The following KCNJ1 variants were observed in gnomAD, a reference collection of about 807,000 sequenced individuals.
The protein encoded by KCNJ1 is ATP-sensitive inward rectifier potassium channel 1.
In KCNJ1, 24 loss-of-function variants were observed where a neutral mutation model predicts 21.9. The observed-to-expected ratio is 1.10, with a 90% CI of 0.79 to 1.54. The LOEUF (loss-of-function observed/expected upper bound fraction) is 1.54, where lower values mean the gene tolerates loss of function less well. Among genes scored for constraint, KCNJ1 ranks in the 40% most tolerant of loss-of-function variants. The pLI is 0.00. For missense variants in KCNJ1, 457 were observed against 455.4 expected, an observed-to-expected ratio of 1.00 and a Z score of -0.03; for synonymous variants, 152 against 160.9, an observed-to-expected ratio of 0.94 and a Z score of 0.42.
chr11:128,860,094 G>C (rs1425008619), intron 1 of KCNJ1, among the ~76,000 whole-genome samples: 1 of 148,030 alleles, frequency 6.8e-6, no homozygotes, highest in East Asian at 2.1e-4. Flanking sequence ...GCGCCCGGAA[G>C]GACACCTGTC....
chr11:128,857,211 C>A (rs1943606196), intron 1 of KCNJ1, among the ~76,000 whole-genome samples: 1 of 152,190 alleles, frequency 6.6e-6, no homozygotes, highest in African/African-American at 2.4e-5. Flanking sequence ...TCGCTAGGGA[C>A]CTAGCTCCAT....
chr11:128,865,530 C>T (rs1265204849), intron 1 of KCNJ1, among the ~76,000 whole-genome samples: 1 of 152,120 alleles, frequency 6.6e-6, no homozygotes, highest in Non-Finnish European at 1.5e-5. Flanking sequence ...AGAAGAAAGA[C>T]AATAGTCATC....
chr11:128,865,858 T>A (rs1222110694), intron 1 of KCNJ1, among the ~76,000 whole-genome samples: 1 of 152,060 alleles, frequency 6.6e-6, no homozygotes, highest in Non-Finnish European at 1.5e-5. Flanking sequence ...AAACTTCTTA[T>A]ATTAAAAAAA....
At chr11:128,866,862 C>T (rs1182634007) in intron 1 of KCNJ1, among the ~76,000 whole-genome samples, 1 of 152,128 alleles carries the variant, frequency 6.6e-6, no homozygotes, top group Non-Finnish European at 1.5e-5. Context: ...GATGAAAACC[C>T]TACATACATC....
At chr11:128,842,056 A>G (rs1943291939) in intron 2 of KCNJ1, among the ~76,000 whole-genome samples, 1 of 152,222 alleles carries the variant, frequency 6.6e-6, no homozygotes, top group Non-Finnish European at 1.5e-5. Context: ...CACACTGTTT[A>G]CCCAGCTCTC....
Position 128,862,284 on chromosome 11 carries a change from C to T in KCNJ1, c.-192+4889G>A, listed in dbSNP as rs185981463. On this transcript the variant is annotated intron_variant, in intron 1 of 2. Transcript: ENST00000392666. Reference sequence around the variant, plus strand: ...GGCAGCCTCCGTCCCCAGCAGACCTCATCCTGTCTCTTCAGTGGTGAGCAT... The same window carrying T: ...GGCAGCCTCCGTCCCCAGCAGACCTTATCCTGTCTCTTCAGTGGTGAGCAT... Among the ~76,000 whole-genome samples, 17 of 152,306 alleles carry T rather than the reference C, an allele frequency of 1.1e-4. No homozygotes were observed. In the East Asian group the frequency reaches 3.3e-3, roughly 29 times the overall value.
At chr11:128,857,927 T>A (rs1943617832) in intron 1 of KCNJ1, among the ~76,000 whole-genome samples, 1 of 152,236 alleles carries the variant, frequency 6.6e-6, no homozygotes, top group Non-Finnish European at 1.5e-5. Context: ...TGGGTATTTA[T>A]TTACATTTTT....
intron 1 of KCNJ1, among the ~76,000 whole-genome samples, chr11:128,852,166 C>T (rs530289461): frequency 2.6e-5 from 4 of 152,292 alleles, no homozygotes; most frequent in African/African-American, 9.6e-5. Flanking sequence ...AGAGCTTAGA[C>T]CACACTTGGA....
chr11:128,845,056 A>G (rs553311735), intron 2 of KCNJ1, among the ~76,000 whole-genome samples: 2 of 152,240 alleles, frequency 1.3e-5, no homozygotes, highest in Admixed American at 6.5e-5. Context: ...CTATGAAAAA[A>G]TTACTGCTTT....
intron 2 of KCNJ1, among the ~76,000 whole-genome samples, chr11:128,848,243 G>A (rs190654861): frequency 0.012 from 1,559 of 134,408 alleles, 32 homozygotes; most frequent in African/African-American, 0.043. Flanking sequence ...AGCCAAGATC[G>A]CACCACTGCA....
In KCNJ1 at chr11:128,850,741, G is replaced by A; in HGVS notation, c.-42C>T. On this transcript the variant is annotated 5_prime_UTR_variant, in exon 2 of 3. Transcript: ENST00000392666. ...CTCACCTCTGTCAGAAGAGGTTCAG[G>A]AGATGATTTTCAAAACTTCATGTAT... 1 of 985,422 alleles carries A rather than the reference G, an allele frequency of 1.0e-6. No individual in the cohort carries two copies. The highest frequency in any genetic ancestry group is 1.2e-6 in the Non-Finnish European group (1 of 829,898). 61.0% of individuals were successfully genotyped at this position (985,422 alleles called of 1,614,324 possible).
intron 1 of KCNJ1, among the ~76,000 whole-genome samples, chr11:128,862,809 A>T (rs1700581926): frequency 6.6e-6 from 1 of 152,174 alleles, no homozygotes; most frequent in South Asian, 2.1e-4. Flanking sequence ...GCAGTCCAAC[A>T]CTTCCCTTAA....
intron 1 of KCNJ1, chr11:128,866,589 G>A (rs1943819474): frequency 1.1e-6 from 1 of 922,284 alleles, no homozygotes; most frequent in Non-Finnish European, 1.3e-6. Flanking sequence ...CAGTCATTAG[G>A]AAGCTGAACA....
At chr11:128,853,103 C>T (rs181700344) in intron 1 of KCNJ1, among the ~76,000 whole-genome samples, 1 of 152,230 alleles carries the variant, frequency 6.6e-6, no homozygotes, top group South Asian at 2.1e-4. Context: ...GTCTCAAAGA[C>T]GTTCCTTAAC....
chr11:128,858,499 T>A (rs893279102), intron 1 of KCNJ1, among the ~76,000 whole-genome samples: 2 of 152,162 alleles, frequency 1.3e-5, no homozygotes, highest in African/African-American at 4.8e-5. Flanking sequence ...GGGCACATAC[T>A]TTTCAGAGTT....
At chr11:128,856,796 C>T (rs993079815) in intron 1 of KCNJ1, among the ~76,000 whole-genome samples, 2 of 152,102 alleles carry the variant, frequency 1.3e-5, no homozygotes, top group Non-Finnish European at 2.9e-5. Flanking sequence ...TAGTCAGGAC[C>T]TGTCTGTCCT....
At chr11:128,852,716 C>T (rs1943497943) in intron 1 of KCNJ1, among the ~76,000 whole-genome samples, 1 of 152,252 alleles carries the variant, frequency 6.6e-6, no homozygotes, top group African/African-American at 2.4e-5. Flanking sequence ...CACAGCCCAC[C>T]CAGGAGCCCT....
At chr11:128,866,472 T>C (rs967916200) in intron 1 of KCNJ1, 21 of 698,710 alleles carry the variant, frequency 3.0e-5, no homozygotes, top group South Asian at 6.4e-5. Context: ...CTTTTAAGCG[T>C]CTATGCACCA....
intron 2 of KCNJ1, chr11:128,842,306 T>C: frequency 1.3e-6 from 2 of 1,507,546 alleles, no homozygotes; most frequent in Non-Finnish European, 1.8e-6. Flanking sequence ...TAACGTTGAG[T>C]TTCCATGACT....
Sources: allele counts gnomAD v4.1 joint callset (sites outside exome capture counted in the v4.1 genomes callset), GRCh38; gene constraint gnomAD v4.1.1; transcripts MANE v1.5; gene names NCBI Gene and HGNC (gene_info 2026-07-23, HGNC 2026-07-21).